PRELID2: variants seen among roughly 807,000 people sequenced by gnomAD.
PRELID2 encodes the protein PRELI domain containing 2.
A neutral mutation model predicts 28.4 loss-of-function variants in PRELID2; 25 were observed. That is an observed-to-expected ratio of 0.88 (90% CI 0.64 to 1.23). The LOEUF (loss-of-function observed/expected upper bound fraction) is 1.23, where lower values mean the gene tolerates loss of function less well. PRELID2 is among the 50% of genes most tolerant of loss of function. The probability of loss-of-function intolerance (pLI) is 0.00; values close to 1 mark genes in which losing one functional copy is unlikely to be tolerated. For synonymous variants in PRELID2, 76 were observed against 71.6 expected (o/e 1.06, Z -0.31); for missense variants, 201 against 214.4 (o/e 0.94, Z 0.39).
chr5:145,834,218 T>C (rs1755787724), intron 1 of PRELID2, among the ~76,000 whole-genome samples: 2 of 152,108 alleles, frequency 1.3e-5, no homozygotes. Context: ...TCAGAGCAGA[T>C]TGTGTGAGTT....
At chr5:145,695,991 A>G (rs1420865887) in intron 1 of PRELID2, among the ~76,000 whole-genome samples, 1 of 152,076 alleles carries the variant, frequency 6.6e-6, no homozygotes, top group African/African-American at 2.4e-5. Flanking sequence ...AACATATGTG[A>G]AAGTTTAATC....
chr5:145,667,794 C>T (rs1754624279), intron 1 of PRELID2, among the ~76,000 whole-genome samples: 2 of 152,086 alleles, frequency 1.3e-5, no homozygotes. Flanking sequence ...TAGCACCATA[C>T]CTTGCACTCA....
intron 1 of PRELID2, among the ~76,000 whole-genome samples, chr5:145,669,901 C>A (rs1300369685): frequency 6.6e-6 from 1 of 152,094 alleles, no homozygotes; most frequent in Non-Finnish European, 1.5e-5. Flanking sequence ...AATATCAAAT[C>A]GCCATCTTAG....
the PRELID2 span, among the ~76,000 whole-genome samples, chr5:145,439,810 T>C: frequency 1.3e-5 from 2 of 152,110 alleles, no homozygotes; most frequent in African/African-American, 4.8e-5. Flanking sequence ...TATCCTTCAA[T>C]CTCTGGTCTT....
chr5:145,437,681 C>A, the PRELID2 span, among the ~76,000 whole-genome samples: 236 of 152,198 alleles, frequency 1.6e-3, 2 homozygotes, highest in African/African-American at 5.4e-3. Flanking sequence ...CCAGAAAAAT[C>A]TGGGAGGCCT....
At chr5:145,254,885 CT>C in the PRELID2 span, among the ~76,000 whole-genome samples, 1 of 151,218 alleles carries the variant, frequency 6.6e-6, no homozygotes, top group African/African-American at 2.4e-5. Context: ...TGAGACATTC[CT>C]CCTAGGTAGT....
At chr5:145,654,660 T>C (rs1754360318) in intron 1 of PRELID2, among the ~76,000 whole-genome samples, 1 of 152,132 alleles carries the variant, frequency 6.6e-6, no homozygotes. Context: ...CATGATTATC[T>C]CAATAGATGC....
chr5:145,767,981 C>T (rs928418412), intron 5 of PRELID2, among the ~76,000 whole-genome samples: 1 of 152,024 alleles, frequency 6.6e-6, no homozygotes, highest in African/African-American at 2.4e-5. Flanking sequence ...AATCCCAGTA[C>T]TTTGGGAGGC....
chr5:145,423,119 G>A, the PRELID2 span, among the ~76,000 whole-genome samples: 125 of 151,918 alleles, frequency 8.2e-4, 2 homozygotes, highest in East Asian at 0.021. Flanking sequence ...TTAGTCTGAT[G>A]GGCTTCCCTG....
chr5:145,803,294 C>T lies in PRELID2; in HGVS notation c.369-6747G>A, dbSNP rs80213266. ...GTCTCTCCCATGCTGTCTGTCTGAACCCATTTACATAACTGCCTCCACAGA... is the reference window on the plus strand; with the variant it reads ...GTCTCTCCCATGCTGTCTGTCTGAATCCATTTACATAACTGCCTCCACAGA... On this transcript the variant is annotated intron_variant, in intron 4 of 6. Transcript: ENST00000683046. Among the ~76,000 whole-genome samples the T allele has an allele frequency of 8.9e-3, 1,355 of 152,232 alleles. 15 individuals carry two copies. Among genetic ancestry groups the T allele is most frequent in the African/African-American group, 0.03 (1,258 of 41,536 alleles).
At chr5:145,775,330 T>C (rs550046125) in intron 5 of PRELID2, among the ~76,000 whole-genome samples, 1 of 152,280 alleles carries the variant, frequency 6.6e-6, no homozygotes, top group African/African-American at 2.4e-5. Context: ...CGAAAAGATG[T>C]GTTTATAGGG....
chr5:145,739,451 G>A (rs1756588358), intron 1 of PRELID2, among the ~76,000 whole-genome samples: 1 of 152,172 alleles, frequency 6.6e-6, no homozygotes, highest in African/African-American at 2.4e-5. Context: ...GTTGCAGTGA[G>A]CCGAGATTGC....
chr5:145,284,813 A>G, the PRELID2 span, among the ~76,000 whole-genome samples: 1 of 152,178 alleles, frequency 6.6e-6, no homozygotes, highest in Non-Finnish European at 1.5e-5. Context: ...CTTAACTAAG[A>G]GTAGAGGTTT....
At chr5:145,798,369 T>C (rs1209735886) in intron 4 of PRELID2, among the ~76,000 whole-genome samples, 2 of 152,196 alleles carry the variant, frequency 1.3e-5, no homozygotes, top group Non-Finnish European at 1.5e-5. Context: ...GAAATTGGCA[T>C]ACAAATTGAG....
the PRELID2 span, among the ~76,000 whole-genome samples, chr5:145,277,343 T>A: frequency 6.6e-6 from 1 of 152,212 alleles, no homozygotes; most frequent in Admixed American, 6.6e-5. Context: ...TAAAGAAATA[T>A]GTTTTGTGAT....
intron 5 of PRELID2, among the ~76,000 whole-genome samples, chr5:145,789,945 A>G (rs1459187741): frequency 6.6e-6 from 1 of 152,222 alleles, no homozygotes; most frequent in Non-Finnish European, 1.5e-5. Context: ...CCACAATGAG[A>G]TATCACCTCA....
At chr5:145,432,825 TATA>T in the PRELID2 span, among the ~76,000 whole-genome samples, 2 of 152,220 alleles carry the variant, frequency 1.3e-5, no homozygotes, top group East Asian at 3.9e-4. Flanking sequence ...AAGTGCCCTA[TATA>T]AATCTCTGAA....
intron 5 of PRELID2, among the ~76,000 whole-genome samples, chr5:145,776,194 C>T (rs780226531): frequency 7.9e-5 from 12 of 152,180 alleles, no homozygotes; most frequent in African/African-American, 2.9e-4. Context: ...CATTCTGAGA[C>T]GTGTGATGAA....
intron 1 of PRELID2, among the ~76,000 whole-genome samples, chr5:145,603,574 G>C (rs1362936998): frequency 3.3e-5 from 5 of 151,780 alleles, no homozygotes; most frequent in African/African-American, 7.3e-5. Flanking sequence ...GGTGATCTCG[G>C]GCAGAAGAAT....
Sources: gnomAD v4.1 joint callset for allele counts (sites outside exome capture counted in the v4.1 genomes callset) on GRCh38, gnomAD v4.1.1 for gene constraint, MANE v1.5 for transcripts, NCBI Gene and HGNC (gene_info 2026-07-23, HGNC 2026-07-21) for gene names.